The following ANKRD62 variants were observed in gnomAD, a reference collection of about 807,000 sequenced individuals.
The protein encoded by ANKRD62 is ankyrin repeat domain-containing protein 62.
A neutral mutation model predicts 98.8 loss-of-function variants in ANKRD62; 61 were observed. That is an observed-to-expected ratio of 0.62 (90% confidence interval 0.50 to 0.76). The LOEUF is 0.76. ANKRD62 is among the 30% of genes least tolerant of loss of function. The pLI, the probability that ANKRD62 is intolerant of heterozygous loss-of-function variation, is 0.00. For missense variants in ANKRD62, 933 were observed against 1,082.9 expected, an observed-to-expected ratio of 0.86 and a Z score of 1.94; for synonymous variants, 341 against 367.9, an observed-to-expected ratio of 0.93 and a Z score of 0.84.
intron 9 of ANKRD62, 52 bp from the exon 10 acceptor site, chr18:12,115,341 T>C: frequency 1.4e-6 from 2 of 1,453,930 alleles, no homozygotes; most frequent in South Asian, 1.3e-5. Context: ...ATATTTAGTA[T>C]ATGCTATAAA....
the ANKRD62 span, among the ~76,000 whole-genome samples, chr18:12,138,374 T>A: frequency 6.6e-6 from 1 of 152,168 alleles, no homozygotes; most frequent in Non-Finnish European, 1.5e-5. Flanking sequence ...GTTTCTCAAT[T>A]CTGAGTTCTA....
chr18:12,162,563 T>A, the ANKRD62 span, among the ~76,000 whole-genome samples: 1 of 152,138 alleles, frequency 6.6e-6, no homozygotes, highest in Non-Finnish European at 1.5e-5. Flanking sequence ...TTCCCTGTGC[T>A]TTTGGGGCAT....
At chr18:12,122,952 A>C (rs1315262980) in intron 11 of ANKRD62, among the ~76,000 whole-genome samples, 2 of 152,170 alleles carry the variant, frequency 1.3e-5, no homozygotes, top group Non-Finnish European at 2.9e-5. Context: ...AGTTGTTCTT[A>C]AGAAAGTTTA....
intron 8 of ANKRD62, among the ~76,000 whole-genome samples, chr18:12,109,321 G>T (rs899008041): frequency 6.6e-6 from 1 of 152,180 alleles, no homozygotes; most frequent in Non-Finnish European, 1.5e-5. Context: ...CCACATGGAT[G>T]CTGCCAAGGC....
the ANKRD62 span, among the ~76,000 whole-genome samples, chr18:12,135,026 C>A: frequency 2.0e-5 from 3 of 151,792 alleles, no homozygotes; most frequent in Non-Finnish European, 4.4e-5. Context: ...ACATCCTCTC[C>A]AGCACCTGTT....
At position 12,122,618 on chromosome 18, in the gene ANKRD62, A is replaced by T. The variant is rs1909805084; in HGVS notation, c.1454+102A>T. The T allele has an allele frequency of 9.2e-6, 9 of 977,298 alleles. No homozygotes were observed. The South Asian group carries it at 1.9e-4, about 21-fold the overall frequency. The allele number at this position is 977,298 out of a possible 1,614,324, so 60.5% of individuals were successfully genotyped here. A position where few individuals can be genotyped will look rare whatever the true frequency, so the allele number is the denominator to read the frequency against. ...ACTTACCTTCTAGGGTTTAATAGAG[A>T]AGAAAACCTCTTAAAATTGTGGAAT... On this transcript the variant is annotated intron_variant, in intron 11 of 13. Transcript: ENST00000587848.
chr18:12,107,361 G>A lies in ANKRD62; in HGVS notation c.958G>A (p.Asp320Asn), dbSNP rs1315121228. 1.3e-6 allele frequency: 2 copies of A among 1,521,924 alleles called. No individual in the cohort carries two copies. The highest frequency in any genetic ancestry group is 1.8e-6 in the Non-Finnish European group (2 of 1,140,384). 94.3% of individuals were successfully genotyped at this position (1,521,924 alleles called of 1,614,324 possible). The change falls in exon 8 of 14, where the codon GAC (aspartate) becomes AAC (asparagine). Residue 320 changes from aspartate to asparagine, a missense_variant. Physicochemically the swap from Asp to Asn is conservative, Grantham distance 23. Coordinates refer to ENST00000587848, the MANE Select transcript of ANKRD62 (RefSeq NM_001277333.2). ...MEVSRNVHAD[D>N]SDNYNDDVDE... ...AGTGTCAAGAAACGTACATGCTGAT[G>A]ACAGTGACAATTATAATGATGATGT...
chr18:12,103,610 G>A (rs1909353964), intron 7 of ANKRD62, among the ~76,000 whole-genome samples: 2 of 152,174 alleles, frequency 1.3e-5, no homozygotes, highest in African/African-American at 2.4e-5. Context: ...TCCAAAATTT[G>A]CAGTTTTATA....
At chr18:12,118,092 T>C (rs1909704183) in intron 10 of ANKRD62, among the ~76,000 whole-genome samples, 1 of 152,140 alleles carries the variant, frequency 6.6e-6, no homozygotes, top group African/African-American at 2.4e-5. Context: ...CAGCCCATAG[T>C]GTGCATTGTA....
At chr18:12,134,482 G>T (rs545939430), downstream of ANKRD62, among the ~76,000 whole-genome samples, 1 of 151,858 alleles carries the variant, frequency 6.6e-6, no homozygotes, top group African/African-American at 2.4e-5. Context: ...CCATTAACTC[G>T]TCATTTACAT....
the ANKRD62 span, among the ~76,000 whole-genome samples, chr18:12,155,118 T>C: frequency 1.4e-4 from 21 of 152,178 alleles, no homozygotes; most frequent in African/African-American, 5.1e-4. Flanking sequence ...GAACCTAAAA[T>C]AGATGTTAAC....
At chr18:12,130,944 C>A (rs1909994260), downstream of ANKRD62, among the ~76,000 whole-genome samples, 1 of 152,188 alleles carries the variant, frequency 6.6e-6, no homozygotes, top group African/African-American at 2.4e-5. Context: ...CTTGCCTCAG[C>A]CTCCCAAAGT....
the ANKRD62 span, among the ~76,000 whole-genome samples, chr18:12,159,578 G>T: frequency 3.3e-5 from 5 of 152,170 alleles, no homozygotes; most frequent in Non-Finnish European, 7.3e-5. Flanking sequence ...AAAGAGATTT[G>T]TCCTGTGGTT....
At chr18:12,103,279 T>A in intron 7 of ANKRD62, 51 bp downstream of exon 7, 1 of 1,157,352 alleles carries the variant, frequency 8.6e-7, no homozygotes, top group Non-Finnish European at 1.1e-6. Context: ...TAATGTAGCA[T>A]AATCCAAATG....
intron 8 of ANKRD62, 62 bp from the exon 9 acceptor site, chr18:12,115,026 T>G: frequency 8.1e-7 from 1 of 1,229,966 alleles, no homozygotes; most frequent in Non-Finnish European, 1.0e-6. Flanking sequence ...AAGTTTTAGA[T>G]ATTCTTTGTA....
chr18:12,151,778 G>T, the ANKRD62 span, among the ~76,000 whole-genome samples: 2 of 151,958 alleles, frequency 1.3e-5, no homozygotes, highest in African/African-American at 4.8e-5. Flanking sequence ...CAAATCCAGG[G>T]GTTGATTTTT....
intron 6 of ANKRD62, chr18:12,102,360 G>A (rs927239311): frequency 2.4e-5 from 15 of 622,644 alleles, no homozygotes; most frequent in Non-Finnish European, 3.6e-5. Flanking sequence ...GGGGTAGGTC[G>A]GTTCTGAAGT....
At chr18:12,166,581 T>C in the ANKRD62 span, among the ~76,000 whole-genome samples, 3 of 152,128 alleles carry the variant, frequency 2.0e-5, no homozygotes, top group Non-Finnish European at 4.4e-5. Flanking sequence ...CACTTTGAAT[T>C]CTCAGTCTGA....
At chr18:12,105,926 A>G (rs8093417) in intron 7 of ANKRD62, among the ~76,000 whole-genome samples, 93,253 of 151,972 alleles carry the variant, frequency 0.61, 29,074 homozygotes, top group Middle Eastern at 0.76. Flanking sequence ...ATTTTTCCCT[A>G]TTGACTTAAA....
Sources: gnomAD v4.1 joint callset for allele counts (sites outside exome capture counted in the v4.1 genomes callset) on GRCh38, gnomAD v4.1.1 for gene constraint, MANE v1.5 for transcripts, NCBI Gene and HGNC (gene_info 2026-07-23, HGNC 2026-07-21) for gene names.